COL22A1: variants seen among roughly 807,000 people sequenced by gnomAD.
COL22A1 encodes the protein collagen type XXII alpha 1 chain.
A neutral mutation model predicts 248.9 loss-of-function variants in COL22A1; 221 were observed. The observed-to-expected ratio is 0.89, with a 90% CI of 0.80 to 0.99. The LOEUF (loss-of-function observed/expected upper bound fraction) is 0.99. Ranked by LOEUF, COL22A1 falls within the 50% of genes least tolerant of loss-of-function variation. COL22A1 has a pLI of 0.00. For missense variants in COL22A1, 2,240 were observed against 2,179.0 expected (o/e 1.03, Z -0.56); for synonymous variants, 891 against 793.4 (o/e 1.12, Z -2.07).
At chr8:138,627,108 A>C (rs1820307595) in intron 50 of COL22A1, among the ~76,000 whole-genome samples, 1 of 152,256 alleles carries the variant, frequency 6.6e-6, no homozygotes, top group Non-Finnish European at 1.5e-5. Context: ...GGATAAAACA[A>C]AATATTCAAC....
chr8:138,673,756 G>A (rs958895488), intron 41 of COL22A1, among the ~76,000 whole-genome samples: 1 of 152,040 alleles, frequency 6.6e-6, no homozygotes, highest in African/African-American at 2.4e-5. Flanking sequence ...TGATGTAGTG[G>A]ACAGGTCAGT....
intron 3 of COL22A1, among the ~76,000 whole-genome samples, chr8:138,852,505 C>A (rs1209857796): frequency 2.0e-5 from 3 of 152,130 alleles, no homozygotes; most frequent in African/African-American, 7.2e-5. Flanking sequence ...GGGTGCTCAG[C>A]AAGCATCTGG....
intron 22 of COL22A1, among the ~76,000 whole-genome samples, chr8:138,740,961 C>T (rs1249204873): frequency 6.6e-6 from 1 of 152,194 alleles, no homozygotes; most frequent in Non-Finnish European, 1.5e-5. Context: ...TTCCTTCAGG[C>T]CCTCCTGGGC....
At chr8:138,803,076 A>G (rs1404127379) in intron 10 of COL22A1, 142 bp from the exon 11 acceptor site, 2 of 714,220 alleles carry the variant, frequency 2.8e-6, no homozygotes, top group Non-Finnish European at 5.1e-6. Flanking sequence ...ACGAGGCCAC[A>G]TGTCCCACCC....
chr8:138,755,923 G>T (rs919658205), intron 18 of COL22A1, 94 bp from the exon 19 acceptor site: 12 of 1,020,770 alleles, frequency 1.2e-5, no homozygotes, highest in Non-Finnish European at 1.5e-5. Flanking sequence ...GGGCCCAGGG[G>T]ACCACACCCC....
chr8:138,877,824 G>A lies in COL22A1; in HGVS notation c.584C>T (p.Ala195Val), dbSNP rs1250272297. The A allele has an allele frequency of 6.2e-7, 1 of 1,612,496 alleles. No homozygotes were observed. Among genetic ancestry groups the A allele is most frequent in the East Asian group, 2.2e-5 (1 of 44,824 alleles). Reference protein sequence around the residue: ...LEEIASEPKSAHVFHVSDFNA... With the variant: ...LEEIASEPKSVHVFHVSDFNA... ...GAAGTCGGACACGTGGAAGACGTGG[G>A]CGGACTTGGGCTCTGAGGCGATCTC... The change falls in exon 3 of 65, where the codon GCC (alanine) becomes GTC (valine). Residue 195 changes from alanine to valine, a missense_variant. Transcript: ENST00000303045.
In COL22A1 at chr8:138,878,089, G is replaced by T; in HGVS notation, c.319C>A (p.Arg107Ser). The part of the protein sequence containing the change: ...SQEEVKAAAR[R>S]LAYHGGNTNT... ...GTGTTGCCCCCGTGGTAGGCGAGACGCCGGGCAGCCGCCTTGACCTCCTCC... is the reference window on the plus strand; with the variant it reads ...GTGTTGCCCCCGTGGTAGGCGAGACTCCGGGCAGCCGCCTTGACCTCCTCC... Residue 107 changes from arginine to serine, a missense_variant, in exon 3 of 65, where the codon CGT becomes AGT. Coordinates refer to ENST00000303045, the MANE Select transcript of COL22A1 (RefSeq NM_152888.3). The T allele has an allele frequency of 6.3e-7, 1 of 1,598,034 alleles. No homozygotes were observed. The highest frequency in any genetic ancestry group is 8.5e-7 in the Non-Finnish European group (1 of 1,173,408).
At chr8:138,780,790 G>T in intron 13 of COL22A1, 137 bp downstream of exon 13, 1 of 753,830 alleles carries the variant, frequency 1.3e-6, no homozygotes. Context: ...TGGTATCTGC[G>T]AGGATCCTAA....
At chr8:138,815,924 CTGAAGTGCCCCT>C (rs1479529626) in intron 7 of COL22A1, among the ~76,000 whole-genome samples, 1 of 152,188 alleles carries the variant, frequency 6.6e-6, no homozygotes, top group Non-Finnish European at 1.5e-5. Context: ...CCTCTGCACA[CTGAAGTGCCCCT>C]TGAAGTGTAG....
intron 16 of COL22A1, among the ~76,000 whole-genome samples, chr8:138,769,112 A>G (rs1176134964): frequency 6.6e-6 from 1 of 151,878 alleles, no homozygotes; most frequent in African/African-American, 2.4e-5. Flanking sequence ...CTTGTCCTAT[A>G]CTTTGCAAAT....
intron 45 of COL22A1, among the ~76,000 whole-genome samples, chr8:138,652,458 T>C (rs1397363678): frequency 6.6e-6 from 1 of 152,198 alleles, no homozygotes; most frequent in Non-Finnish European, 1.5e-5. Flanking sequence ...CCTTGCCCCA[T>C]TTGCAGATCA....
In COL22A1 at chr8:138,772,520, T is replaced by C. The variant is rs184730307; in HGVS notation, c.1803+3446A>G. Among the ~76,000 whole-genome samples the C allele has an allele frequency of 2.0e-5, 3 of 152,176 alleles. No individual in the cohort carries two copies. In the East Asian group the frequency reaches 5.8e-4, roughly 29 times the overall value. On this transcript the variant is annotated intron_variant, in intron 16 of 64. Coordinates refer to ENST00000303045, the MANE Select transcript of COL22A1 (RefSeq NM_152888.3). ...TTTAAAAAAAAGATTTTTATACCAA[T>C]CTTCGTGGCTGGATGGCTGGGTGGG...
rs561863115 is a variant in COL22A1, at chr8:138,836,634, C to T, written c.734-3484G>A. 4.1e-4 allele frequency among the ~76,000 whole-genome samples: 62 copies of T among 152,242 alleles called. No individual in the cohort carries two copies. In the South Asian group the frequency reaches 0.013, roughly 32 times the overall value. Reference sequence around the variant, plus strand: ...TCCCTGACACCAATATCCTGTGATCCTGGCTGAGTCATTTTCTTTCTATCA... The same window carrying T: ...TCCCTGACACCAATATCCTGTGATCTTGGCTGAGTCATTTTCTTTCTATCA... On this transcript the variant is annotated intron_variant, in intron 4 of 64. Transcript: ENST00000303045.
At chr8:138,820,224 T>C (rs1486865680) in intron 7 of COL22A1, among the ~76,000 whole-genome samples, 1 of 152,238 alleles carries the variant, frequency 6.6e-6, no homozygotes, top group Admixed American at 6.5e-5. Flanking sequence ...CTTATGCTTA[T>C]GTATACATAG....
intron 12 of COL22A1, among the ~76,000 whole-genome samples, chr8:138,791,572 GCTT>G (rs764184628): frequency 1.3e-5 from 2 of 152,190 alleles, no homozygotes; most frequent in Non-Finnish European, 2.9e-5. Context: ...TTGGTAATTA[GCTT>G]CTTATTTGTT....
chr8:138,792,550 T>C (rs1475013096), intron 12 of COL22A1, among the ~76,000 whole-genome samples: 1 of 152,250 alleles, frequency 6.6e-6, no homozygotes, highest in East Asian at 1.9e-4. Flanking sequence ...CATCTGTCCT[T>C]GTCCTTCTAA....
intron 6 of COL22A1, among the ~76,000 whole-genome samples, chr8:138,825,481 C>T (rs896679545): frequency 6.6e-6 from 1 of 152,164 alleles, no homozygotes; most frequent in African/African-American, 2.4e-5. Context: ...GGCTCAGTTT[C>T]CTCATAACTG....
chr8:138,638,403 A>G (rs1821379581), intron 47 of COL22A1, among the ~76,000 whole-genome samples: 1 of 152,098 alleles, frequency 6.6e-6, no homozygotes, highest in Non-Finnish European at 1.5e-5. Flanking sequence ...CTAGTAAATA[A>G]AGGATGAGGG....
At chr8:138,740,194 C>T (rs1235866844) in intron 22 of COL22A1, among the ~76,000 whole-genome samples, 1 of 152,194 alleles carries the variant, frequency 6.6e-6, no homozygotes, top group Non-Finnish European at 1.5e-5. Context: ...AAACCATTTT[C>T]CCTCAAGGTC....
Sources: allele counts gnomAD v4.1 joint callset (sites outside exome capture counted in the v4.1 genomes callset), GRCh38; gene constraint gnomAD v4.1.1; transcripts MANE v1.5; gene names NCBI Gene and HGNC (gene_info 2026-07-23, HGNC 2026-07-21).